Variants in SORCS2 observed in about 807,000 individuals in gnomAD.
SORCS2 encodes the protein sortilin related VPS10 domain containing receptor 2, also known as VPS10 domain-containing receptor SorCS2.
SORCS2 carries 100 observed loss-of-function variants against 141.6 expected under a neutral mutation model. The ratio of observed to expected loss-of-function variants is 0.71; its 90% CI spans 0.60 to 0.83. The LOEUF (loss-of-function observed/expected upper bound fraction) is 0.83. Ranked by LOEUF, SORCS2 falls within the 40% of genes least tolerant of loss-of-function variation. The pLI is 0.00. For synonymous variants in SORCS2, 789 were observed against 676.9 expected, an observed-to-expected ratio of 1.17 and a Z score of -2.57; for missense variants, 1,646 against 1,560.2, an observed-to-expected ratio of 1.05 and a Z score of -0.93.
chr4:7,609,426 C>T (rs73216630), intron 3 of SORCS2, among the ~76,000 whole-genome samples: 1,533 of 152,300 alleles, frequency 0.01, 11 homozygotes, highest in Middle Eastern at 0.024. Context: ...ACAGCCCACC[C>T]GGCCAGACCT....
chr4:7,510,511 T>C (rs1732553822), intron 2 of SORCS2, among the ~76,000 whole-genome samples: 1 of 152,244 alleles, frequency 6.6e-6, no homozygotes, highest in Non-Finnish European at 1.5e-5. Context: ...ACAGCGGCCA[T>C]GGGCAGTGCA....
chr4:7,641,822 G>GGGGATGAATGGATGGA (rs1720753570), intron 4 of SORCS2, among the ~76,000 whole-genome samples: 1 of 119,842 alleles, frequency 8.3e-6, no homozygotes, highest in Non-Finnish European at 1.8e-5. Flanking sequence ...GGATGGGTGG[G>GGGGATGAATGGATGGA]TGGATGGATG....
intron 2 of SORCS2, among the ~76,000 whole-genome samples, chr4:7,516,262 G>A (rs923095740): frequency 1.3e-5 from 2 of 152,130 alleles, no homozygotes; most frequent in African/African-American, 4.8e-5. Flanking sequence ...CAAGCATGCA[G>A]AAAGGGAATG....
intron 4 of SORCS2, among the ~76,000 whole-genome samples, chr4:7,641,184 G>T (rs61383801): frequency 0.25 from 38,082 of 152,050 alleles, 6,838 homozygotes; most frequent in African/African-American, 0.51. Flanking sequence ...TTAGCCCATT[G>T]TCACACTGCT....
At chr4:7,451,713 G>C (rs923121394) in intron 2 of SORCS2, among the ~76,000 whole-genome samples, 1 of 152,384 alleles carries the variant, frequency 6.6e-6, no homozygotes, top group Non-Finnish European at 1.5e-5. Context: ...TGGTGGGGGG[G>C]CTATAGAAGT....
chr4:7,315,431 A>T (rs1718491695), intron 1 of SORCS2, among the ~76,000 whole-genome samples: 1 of 152,262 alleles, frequency 6.6e-6, no homozygotes, highest in South Asian at 2.1e-4. Context: ...GCCTGAATCA[A>T]TCCAGGCAAT....
rs537247181 is a variant in SORCS2 at position 7,193,075 on chromosome 4, G to A, written c.429G>A (p.Gly143=). The change falls in exon 1 of 27, where the codon GGG becomes GGA. Residue 143 remains glycine (G), a synonymous_variant. Coordinates refer to ENST00000507866, the MANE Select transcript of SORCS2 (RefSeq NM_020777.3). This position sits in a 1 kb window ranked among gnomAD's most constrained non-coding sequence, Gnocchi z 4.8. The stretch of plus-strand genomic sequence containing the variant: ...TCAGCACGTCGTTCGTGCTCAAGGG[G>A]GACGCGACGCACAACCAGGCGATGG... The part of the protein sequence containing the change: ...SLISTSFVLK[G]DATHNQAMVH... The A allele has an allele frequency of 7.0e-5, 109 of 1,561,656 alleles. 1 individual carries two copies. The South Asian group carries it at 1.2e-3, about 17-fold the overall frequency.
At position 7,723,723 on chromosome 4, in the gene SORCS2, G is replaced by C; in HGVS notation, c.2451G>C (p.Gln817His). The C allele has an allele frequency of 1.2e-6, 2 of 1,614,018 alleles. No homozygotes were observed. The highest frequency in any genetic ancestry group is 1.1e-5 in the South Asian group (1 of 91,080). ...EQGDVLTTKY[Q>H]VDLGDGFKAM... ...GTGATGTCCTGACTACCAAGTACCA[G>C]GTAGACCTTGGGGACGGCTTCAAGG... Residue 817 changes from glutamine to histidine, a missense_variant, in exon 19 of 27, where the codon CAG becomes CAC. Transcript: ENST00000507866.
chr4:7,426,771 C>A (rs571431170), intron 2 of SORCS2, among the ~76,000 whole-genome samples: 1 of 152,272 alleles, frequency 6.6e-6, no homozygotes, highest in East Asian at 1.9e-4. Context: ...GTGGCTTGCC[C>A]AGGGTCACAC....
At chr4:7,588,442 C>T (rs1488898565) in intron 3 of SORCS2, among the ~76,000 whole-genome samples, 1 of 152,134 alleles carries the variant, frequency 6.6e-6, no homozygotes, top group Non-Finnish European at 1.5e-5. Context: ...GCCAAGGCCA[C>T]GTTGGAGGAG....
chr4:7,492,331 T>C (rs930898272), intron 2 of SORCS2, among the ~76,000 whole-genome samples: 4 of 152,262 alleles, frequency 2.6e-5, no homozygotes, highest in African/African-American at 9.6e-5. Context: ...GCGGTATTTG[T>C]CTTTCTGTGC....
At chr4:7,649,179 C>T (rs1407290927) in intron 4 of SORCS2, among the ~76,000 whole-genome samples, 1 of 152,152 alleles carries the variant, frequency 6.6e-6, no homozygotes, top group East Asian at 1.9e-4. Flanking sequence ...GTCTTGAACA[C>T]CGGCTGGGGA....
intron 2 of SORCS2, among the ~76,000 whole-genome samples, chr4:7,440,231 G>T (rs1267833886): frequency 6.6e-6 from 1 of 152,210 alleles, no homozygotes; most frequent in African/African-American, 2.4e-5. Flanking sequence ...GTTGCAGGTA[G>T]GACCCTGACC....
chr4:7,382,982 AT>A (rs1456206426), intron 1 of SORCS2, among the ~76,000 whole-genome samples: 1 of 152,128 alleles, frequency 6.6e-6, no homozygotes, highest in Non-Finnish European at 1.5e-5. Context: ...AAGATATGCT[AT>A]TTTTTAAATA....
In SORCS2 at chr4:7,712,826, C is replaced by T. The variant is rs1319528919; in HGVS notation, c.1962C>T (p.Tyr654=). ...CCAGGCAGTGCGGCGAGGAGGACTA[C>T]AGCTCCTGGGAGCTCTCCAACCTGC... ...SFSRQCGEED[Y]SSWELSNLQG... Residue 654 remains tyrosine (Y), a synonymous_variant, in exon 15 of 27, where the codon TAC becomes TAT. Coordinates refer to ENST00000507866, the MANE Select transcript of SORCS2 (RefSeq NM_020777.3). 2.5e-6 allele frequency: 4 copies of T among 1,613,828 alleles called. No homozygotes were observed. The African/African-American group carries it at 4.0e-5, about 16-fold the overall frequency.
chr4:7,413,921 C>CTGGG (rs930582871), intron 2 of SORCS2, among the ~76,000 whole-genome samples: 29 of 152,188 alleles, frequency 1.9e-4, no homozygotes, highest in African/African-American at 7.0e-4. Flanking sequence ...TTGCAGGGTG[C>CTGGG]TGGGATTCTG....
At chr4:7,605,832 C>T (rs2058941260) in intron 3 of SORCS2, among the ~76,000 whole-genome samples, 1 of 152,140 alleles carries the variant, frequency 6.6e-6, no homozygotes, top group Admixed American at 6.5e-5. Flanking sequence ...AGCTGGATTA[C>T]AGAGACCCAC....
intron 1 of SORCS2, among the ~76,000 whole-genome samples, chr4:7,270,633 T>C (rs971159774): frequency 6.6e-6 from 1 of 152,228 alleles, no homozygotes; most frequent in African/African-American, 2.4e-5. Flanking sequence ...AAAATTAAAA[T>C]GTGCCTTTCC....
intron 1 of SORCS2, among the ~76,000 whole-genome samples, chr4:7,353,944 G>A (rs974348016): frequency 1.3e-5 from 2 of 152,118 alleles, no homozygotes; most frequent in East Asian, 1.9e-4. Flanking sequence ...ACAGCTTCCC[G>A]GCAAGAAGCC....
Sources: gnomAD v4.1 joint callset for allele counts (sites outside exome capture counted in the v4.1 genomes callset) on GRCh38, gnomAD v4.1.1 for gene constraint, Gnocchi (gnomAD v3.1) non-coding constraint, MANE v1.5 for transcripts, NCBI Gene and HGNC (gene_info 2026-07-23, HGNC 2026-07-21) for gene names.